The following TMEM117 variants were observed in gnomAD, a reference collection of about 807,000 sequenced individuals.
TMEM117 encodes transmembrane protein 117.
TMEM117 carries 27 observed loss-of-function variants against 52.4 expected under a neutral mutation model. The observed-to-expected ratio is 0.51, with a 90% CI of 0.38 to 0.71. TMEM117 has a LOEUF of 0.71. TMEM117 is among the 30% of genes least tolerant of loss of function. The pLI is 0.00. For synonymous variants in TMEM117, 215 were observed against 206.3 expected (o/e 1.04, Z -0.36); for missense variants, 556 against 630.5 (o/e 0.88, Z 1.26).
intron 3 of TMEM117, among the ~76,000 whole-genome samples, chr12:43,975,164 A>G (rs1208464746): frequency 2.0e-5 from 3 of 152,088 alleles, no homozygotes. Context: ...TAACTGGGAG[A>G]TATCTTTGGT....
chr12:44,172,695 C>T (rs1949063879), intron 4 of TMEM117, among the ~76,000 whole-genome samples: 1 of 152,174 alleles, frequency 6.6e-6, no homozygotes, highest in Admixed American at 6.6e-5. Context: ...AATTTCAGCA[C>T]ACCTACTTAT....
chr12:44,157,546 G>T (rs1002228528), intron 4 of TMEM117, among the ~76,000 whole-genome samples: 4 of 152,004 alleles, frequency 2.6e-5, no homozygotes, highest in Non-Finnish European at 5.9e-5. Flanking sequence ...TACCAAGACT[G>T]TATAATCACT....
rs1392706859 is a variant in TMEM117 at position 44,201,660 on chromosome 12, A to C, written c.511-9630A>C. On this transcript the variant is annotated intron_variant, in intron 4 of 7. Coordinates refer to ENST00000266534, the MANE Select transcript of TMEM117 (RefSeq NM_032256.3). ...TCACTTCTTAGCATCAACAATGTTA[A>C]GGCAATAAAGGAATGCCTCCAGTTT... 2.6e-5 allele frequency among the ~76,000 whole-genome samples: 4 copies of C among 152,222 alleles called. No homozygotes were observed. The East Asian group carries it at 7.7e-4, about 29-fold the overall frequency.
At chr12:44,311,373 C>T (rs1007570242) in intron 6 of TMEM117, among the ~76,000 whole-genome samples, 1 of 152,078 alleles carries the variant, frequency 6.6e-6, no homozygotes, top group African/African-American at 2.4e-5. Context: ...TAAATTTACA[C>T]ACAAAAATGT....
the TMEM117 span, chr12:43,802,466 T>C: frequency 6.3e-7 from 1 of 1,598,318 alleles, no homozygotes; most frequent in African/African-American, 1.4e-5. Context: ...CAAGTTGCTC[T>C]ATGAAAAATT....
intron 5 of TMEM117, among the ~76,000 whole-genome samples, chr12:44,220,364 C>T (rs142823742): frequency 6.6e-6 from 1 of 152,208 alleles, no homozygotes; most frequent in East Asian, 1.9e-4. Flanking sequence ...CTATAATCAA[C>T]AATGTGGTAC....
At chr12:44,079,558 T>C (rs1348157679) in intron 3 of TMEM117, among the ~76,000 whole-genome samples, 1 of 152,172 alleles carries the variant, frequency 6.6e-6, no homozygotes, top group Non-Finnish European at 1.5e-5. Flanking sequence ...TTTGATGGAA[T>C]TGTTTGTTTT....
At chr12:44,321,572 G>A (rs896459883) in intron 6 of TMEM117, among the ~76,000 whole-genome samples, 1 of 152,092 alleles carries the variant, frequency 6.6e-6, no homozygotes, top group Non-Finnish European at 1.5e-5. Context: ...TGCTACTGCC[G>A]ACAGGGATGA....
intron 6 of TMEM117, among the ~76,000 whole-genome samples, chr12:44,309,776 T>TA (rs61352410): frequency 2.4e-3 from 318 of 134,600 alleles, no homozygotes; most frequent in Admixed American, 4.4e-3. Flanking sequence ...GAATGAGAAT[T>TA]AAAAAAAAAA....
chr12:44,041,408 C>A (rs1189834528), intron 3 of TMEM117, among the ~76,000 whole-genome samples: 1 of 151,794 alleles, frequency 6.6e-6, no homozygotes, highest in African/African-American at 2.4e-5. Context: ...ATCATGCATG[C>A]AATGTTCTCT....
intron 4 of TMEM117, among the ~76,000 whole-genome samples, chr12:44,156,928 G>A (rs1948833485): frequency 6.6e-6 from 1 of 152,092 alleles, no homozygotes; most frequent in South Asian, 2.1e-4. Context: ...TTGACTCTGG[G>A]TTCCTTTTGA....
At chr12:43,887,689 A>G (rs1472739138) in intron 2 of TMEM117, among the ~76,000 whole-genome samples, 1 of 152,206 alleles carries the variant, frequency 6.6e-6, no homozygotes, top group Non-Finnish European at 1.5e-5. Context: ...ATTCAGCAGA[A>G]GTTACACTTA....
chr12:43,920,107 G>A (rs1174550231), intron 2 of TMEM117, among the ~76,000 whole-genome samples: 1 of 151,994 alleles, frequency 6.6e-6, no homozygotes, highest in Admixed American at 6.5e-5. Flanking sequence ...CATTTCCCCA[G>A]TTTCCTGAGT....
At chr12:44,078,603 AT>A (rs917215358) in intron 3 of TMEM117, among the ~76,000 whole-genome samples, 1 of 151,164 alleles carries the variant, frequency 6.6e-6, no homozygotes, top group Non-Finnish European at 1.5e-5. Context: ...TTACATTTCA[AT>A]TTTTTTTTCC....
At chr12:44,354,668 T>C (rs1284544680) in intron 6 of TMEM117, among the ~76,000 whole-genome samples, 1 of 151,838 alleles carries the variant, frequency 6.6e-6, no homozygotes, top group Non-Finnish European at 1.5e-5. Flanking sequence ...GGGACGTATC[T>C]CAAAATAATA....
intron 5 of TMEM117, among the ~76,000 whole-genome samples, chr12:44,229,138 A>G (rs1451618835): frequency 2.0e-5 from 3 of 152,058 alleles, no homozygotes; most frequent in Non-Finnish European, 4.4e-5. Flanking sequence ...GCATCTAGTA[A>G]TAGTGCCATT....
the TMEM117 span, among the ~76,000 whole-genome samples, chr12:43,809,550 A>G: frequency 1.3e-5 from 2 of 152,346 alleles, no homozygotes; most frequent in East Asian, 3.9e-4. Flanking sequence ...ACAATACATT[A>G]CAATACAGTA....
At chr12:44,255,677 A>T (rs1592644225) in intron 5 of TMEM117, among the ~76,000 whole-genome samples, 2 of 152,102 alleles carry the variant, frequency 1.3e-5, no homozygotes, top group African/African-American at 4.8e-5. Flanking sequence ...GGTAACACAG[A>T]CACATGCATA....
the TMEM117 span, among the ~76,000 whole-genome samples, chr12:43,810,740 G>A: frequency 6.6e-6 from 1 of 152,172 alleles, no homozygotes; most frequent in African/African-American, 2.4e-5. Flanking sequence ...ACTCTTTGGA[G>A]CTGCCTGAAA....
Sources: gnomAD v4.1 joint callset for allele counts (sites outside exome capture counted in the v4.1 genomes callset) on GRCh38, gnomAD v4.1.1 for gene constraint, MANE v1.5 for transcripts, NCBI Gene and HGNC (gene_info 2026-07-23, HGNC 2026-07-21) for gene names.